SLC6A17: variants seen among roughly 807,000 people sequenced by gnomAD.
SLC6A17 encodes solute carrier family 6 member 17.
SLC6A17 carries 21 observed loss-of-function variants against 64.5 expected under a neutral mutation model. That is an observed-to-expected ratio of 0.33 (90% CI 0.23 to 0.47). SLC6A17 has a LOEUF of 0.47. Among genes scored for constraint, SLC6A17 ranks in the 20% least tolerant of loss-of-function variants. The pLI is 1.00. For synonymous variants in SLC6A17, 372 were observed against 399.5 expected, an observed-to-expected ratio of 0.93 and a Z score of 0.82; for missense variants, 682 against 963.2, an observed-to-expected ratio of 0.71 and a Z score of 3.86.
rs1425281177 is a variant in SLC6A17 at position 110,198,282 on chromosome 1, C to T, written c.2022C>T (p.Arg674=). 1 of 1,614,080 alleles carries T rather than the reference C, an allele frequency of 6.2e-7. No individual in the cohort carries two copies. Among genetic ancestry groups the T allele is most frequent in the African/African-American group, 1.3e-5 (1 of 74,928 alleles). Residue 674 remains arginine, a synonymous_variant, in exon 12 of 12, where the codon CGC becomes CGT. Coordinates refer to ENST00000331565, the MANE Select transcript of SLC6A17 (RefSeq NM_001010898.4). ...ISNLEENDET[R]FILSKVPSEA... ...ACCTGGAGGAGAACGATGAGACCCG[C>T]TTCATCCTCAGCAAGGTGCCCAGTG...
At chr1:110,173,893 G>C (rs763657269) in intron 3 of SLC6A17, 80 bp from the exon 4 acceptor site, 1 of 1,558,118 alleles carries the variant, frequency 6.4e-7, no homozygotes, top group Non-Finnish European at 8.7e-7. Context: ...CGCTGCCGAC[G>C]TGCTGGGCCT....
chr1:110,180,665 G>A (rs909502771), intron 6 of SLC6A17, among the ~76,000 whole-genome samples: 4 of 152,174 alleles, frequency 2.6e-5, no homozygotes, highest in African/African-American at 9.7e-5. Context: ...CAGGATTGGG[G>A]AGATATGAGG....
At chr1:110,155,678 T>G (rs1655738711) in intron 1 of SLC6A17, among the ~76,000 whole-genome samples, 1 of 152,230 alleles carries the variant, frequency 6.6e-6, no homozygotes, top group Non-Finnish European at 1.5e-5. Flanking sequence ...TAGCAGTTTA[T>G]TTGAAGATAA....
At chr1:110,179,567 T>G (rs1253764539) in intron 6 of SLC6A17, among the ~76,000 whole-genome samples, 19 of 111,674 alleles carry the variant, frequency 1.7e-4, no homozygotes, top group Admixed American at 9.1e-4. Flanking sequence ...TTCCTTTCTT[T>G]TTTGAGTTGG....
At chr1:110,153,519 A>ATGTG (rs3222731) in intron 1 of SLC6A17, among the ~76,000 whole-genome samples, 2,335 of 137,328 alleles carry the variant, frequency 0.017, 73 homozygotes, top group South Asian at 0.16. Context: ...GCTACTGGAA[A>ATGTG]TGTGTGTGTG....
intron 6 of SLC6A17, among the ~76,000 whole-genome samples, chr1:110,189,641 G>C (rs928451166): frequency 3.3e-5 from 5 of 152,112 alleles, no homozygotes; most frequent in African/African-American, 1.2e-4. Context: ...ACAGGCCTTT[G>C]ATCTAACTTC....
intron 1 of SLC6A17, among the ~76,000 whole-genome samples, chr1:110,162,569 G>A (rs769928028): frequency 6.8e-4 from 104 of 152,270 alleles, no homozygotes; most frequent in Middle Eastern, 3.4e-3. Context: ...GGGAAGAGAG[G>A]AATCGCCCCT....
intron 2 of SLC6A17, among the ~76,000 whole-genome samples, chr1:110,171,001 CTGCAG>C (rs1366737325): frequency 1.3e-5 from 2 of 152,218 alleles, no homozygotes; most frequent in Non-Finnish European, 2.9e-5. Flanking sequence ...CAGAGTGGAC[CTGCAG>C]TAAATAGCTG....
chr1:110,166,391 A>G (rs1008311641), intron 1 of SLC6A17: 1 of 152,052 alleles, frequency 6.6e-6, no homozygotes, highest in African/African-American at 2.4e-5. Context: ...TCCTGGTGCA[A>G]TCCCTGCATT....
At chr1:110,151,262 CGCCCAGGGCGCAGTTCCACTGGGA>C (rs1184925065) in intron 1 of SLC6A17, among the ~76,000 whole-genome samples, 1 of 152,224 alleles carries the variant, frequency 6.6e-6, no homozygotes, top group African/African-American at 2.4e-5. Context: ...TGAAACTGCG[CGCCCAGGGCGCAGTTCCACTGGGA>C]GCCTCTTACG....
At chr1:110,194,506 G>T (rs922416926) in intron 8 of SLC6A17, 73 bp from the exon 9 acceptor site, 4 of 1,499,088 alleles carry the variant, frequency 2.7e-6, no homozygotes, top group Admixed American at 3.5e-5. Context: ...AGTTTGAAGG[G>T]CAGAGGGAAG....
intron 1 of SLC6A17, among the ~76,000 whole-genome samples, chr1:110,165,620 TCTC>T (rs1244070506): frequency 6.6e-6 from 1 of 152,074 alleles, no homozygotes; most frequent in Non-Finnish European, 1.5e-5. Context: ...GGCTGGCAGG[TCTC>T]CTTGATGGTC....
At chr1:110,176,833 G>T in intron 6 of SLC6A17, 94 bp downstream of exon 6, 2 of 1,073,554 alleles carry the variant, frequency 1.9e-6, no homozygotes, top group South Asian at 1.4e-5. Context: ...AATGCACTCC[G>T]AACACCTGCT....
chr1:110,197,078 T>C (rs1213910794), intron 10 of SLC6A17, among the ~76,000 whole-genome samples: 1 of 152,224 alleles, frequency 6.6e-6, no homozygotes, highest in African/African-American at 2.4e-5. Flanking sequence ...GCACTTCTAC[T>C]GCTTTTCCAG....
At chr1:110,154,447 G>T (rs989279135) in intron 1 of SLC6A17, among the ~76,000 whole-genome samples, 3 of 152,164 alleles carry the variant, frequency 2.0e-5, no homozygotes, top group African/African-American at 7.2e-5. Flanking sequence ...TTAAGTTAGT[G>T]CCCCGGGAAA....
At chr1:110,173,808 CG>C (rs1175901368) in intron 3 of SLC6A17, among the ~76,000 whole-genome samples, 164 bp from the exon 4 acceptor site, 2 of 152,216 alleles carry the variant, frequency 1.3e-5, no homozygotes, top group East Asian at 3.9e-4. Flanking sequence ...GTGAATGGAG[CG>C]TGAGGGGAGC....
chr1:110,194,592 C>A lies in SLC6A17; in HGVS notation c.1313C>A (p.Thr438Lys). The change falls in exon 9 of 12, where the codon ACA becomes AAA. Residue 438 changes from threonine to lysine, a missense_variant. This residue lies in a region of SLC6A17 where 415 missense variants were observed against 603.8 expected (regional missense o/e 0.69). Coordinates refer to ENST00000331565, the MANE Select transcript of SLC6A17 (RefSeq NM_001010898.4). ...CCCCACCTTCAGTCCGTGCAGGGCACAGGCCTGGCCTTCATCGCCTTCACT... is the reference window on the plus strand; with the variant it reads ...CCCCACCTTCAGTCCGTGCAGGGCAAAGGCCTGGCCTTCATCGCCTTCACT... Reference protein sequence around the residue: ...EDELDKSVQGTGLAFIAFTEA... With the variant: ...EDELDKSVQGKGLAFIAFTEA... 2 of 1,614,200 alleles carry A rather than the reference C, an allele frequency of 1.2e-6. No individual in the cohort carries two copies. Among genetic ancestry groups the A allele is most frequent in the South Asian group, 2.2e-5 (2 of 91,082 alleles).
At chr1:110,162,317 G>GTGC (rs1655935092) in intron 1 of SLC6A17, among the ~76,000 whole-genome samples, 1 of 152,246 alleles carries the variant, frequency 6.6e-6, no homozygotes, top group Admixed American at 6.5e-5. Flanking sequence ...ATTGTTACAG[G>GTGC]TGCCTGGGGC....
intron 5 of SLC6A17, among the ~76,000 whole-genome samples, chr1:110,176,341 C>G (rs1357586742): frequency 6.6e-6 from 1 of 152,116 alleles, no homozygotes; most frequent in Non-Finnish European, 1.5e-5. Flanking sequence ...CCCTTACCCC[C>G]TTGGCAGCCC....
Sources: gnomAD v4.1 joint callset for allele counts (sites outside exome capture counted in the v4.1 genomes callset) on GRCh38, gnomAD v4.1.1 for gene constraint, gnomAD v4.1.1 regional missense constraint, MANE v1.5 for transcripts, NCBI Gene and HGNC (gene_info 2026-07-23, HGNC 2026-07-21) for gene names.